PAX7: variants seen among roughly 807,000 people sequenced by gnomAD.
The protein encoded by PAX7 is paired box 7.
Under a neutral mutation model 50.7 loss-of-function variants are expected in PAX7, and 18 were observed. The observed-to-expected ratio is 0.36, with a 90% CI of 0.25 to 0.53. PAX7 has a LOEUF of 0.53. PAX7 is among the 20% of genes least tolerant of loss of function. The probability of loss-of-function intolerance (pLI) is 0.93; values close to 1 mark genes in which losing one functional copy is unlikely to be tolerated. For synonymous variants in PAX7, 310 were observed against 290.4 expected (o/e 1.07, Z -0.69); for missense variants, 644 against 702.9 (o/e 0.92, Z 0.95).
At chr1:18,650,068 C>T (rs1269941534) in intron 4 of PAX7, among the ~76,000 whole-genome samples, 1 of 152,152 alleles carries the variant, frequency 6.6e-6, no homozygotes, top group Non-Finnish European at 1.5e-5. Context: ...ATAGAGGAAA[C>T]TCCGGGGAGG....
At chr1:18,659,176 GCA>G (rs2088565818) in intron 4 of PAX7, among the ~76,000 whole-genome samples, 1 of 152,208 alleles carries the variant, frequency 6.6e-6, no homozygotes, top group Non-Finnish European at 1.5e-5. Flanking sequence ...TTCAGCTCCT[GCA>G]CCAGATTAGG....
At chr1:18,742,083 C>G (rs1439938452) in intron 8 of PAX7, among the ~76,000 whole-genome samples, 3 of 150,656 alleles carry the variant, frequency 2.0e-5, no homozygotes, top group Non-Finnish European at 4.4e-5. Flanking sequence ...TAGGATAGAA[C>G]AAGCTCTCTG....
chr1:18,726,145 AGT>A lies in PAX7; in HGVS notation c.1156-9454_1156-9453del, dbSNP rs35982827. 0.33 allele frequency among the ~76,000 whole-genome samples: 45,818 copies of A among 137,022 alleles called. 7,539 individuals carry two copies. Among genetic ancestry groups the A allele is most frequent in the South Asian group, 0.46 (1,870 of 4,024 alleles). 89.9% of individuals were successfully genotyped at this position (137,022 alleles called of 152,430 possible). A position where few individuals can be genotyped will look rare whatever the true frequency, so the allele number is the denominator to read the frequency against. The stretch of plus-strand genomic sequence containing the variant: ...ATAAAACAGACATTGGAAGAGTGTG[AGT>A]GTGTGTGTGTGTGTGTGTGTGTGTG... On this transcript the variant is annotated intron_variant, in intron 7 of 8. Transcript: ENST00000420770. The surrounding 1 kb of genome is among the most constrained non-coding windows in gnomAD (Gnocchi z 4.8).
chr1:18,718,767 C>T (rs546138045), intron 7 of PAX7, among the ~76,000 whole-genome samples: 11 of 152,112 alleles, frequency 7.2e-5, no homozygotes, highest in Non-Finnish European at 1.0e-4. Flanking sequence ...CTCAGCCTCC[C>T]GAGTAGCTGG....
chr1:18,646,496 G>A (rs991333949), intron 4 of PAX7, among the ~76,000 whole-genome samples: 5 of 152,306 alleles, frequency 3.3e-5, no homozygotes, highest in Admixed American at 3.3e-4. Flanking sequence ...CCAGGCAGCA[G>A]GAAATTAGGG....
At chr1:18,648,442 A>G (rs2088381011) in intron 4 of PAX7, among the ~76,000 whole-genome samples, 1 of 151,180 alleles carries the variant, frequency 6.6e-6, no homozygotes, top group African/African-American at 2.4e-5. Flanking sequence ...CCCAGGCTCA[A>G]GCGATTCTCT....
intron 4 of PAX7, among the ~76,000 whole-genome samples, chr1:18,657,663 T>A (rs919891974): frequency 1.3e-5 from 2 of 152,172 alleles, no homozygotes; most frequent in East Asian, 3.9e-4. Context: ...AGGGGCCCGA[T>A]GAATAGCGGT....
rs534267038 is a variant in PAX7, at chr1:18,662,416, GTTCA to G, written c.586+26070_586+26073del. Among the ~76,000 whole-genome samples, 1,198 of 152,016 alleles carry G rather than the reference GTTCA, an allele frequency of 7.9e-3. 9 individuals are homozygous for G. Among genetic ancestry groups the G allele is most frequent in the Middle Eastern group, 0.034 (10 of 294 alleles). ...GCAGTGCTCCTTTGTTCCTTCTTTA[GTTCA>G]TTCATTCATTCATTCATTCATTCAC... On this transcript the variant is annotated intron_variant, in intron 4 of 8. Transcript: ENST00000420770.
chr1:18,656,477 G>A (rs1369077524), intron 4 of PAX7, among the ~76,000 whole-genome samples: 4 of 151,718 alleles, frequency 2.6e-5, no homozygotes, highest in Non-Finnish European at 5.9e-5. Flanking sequence ...TGCAGCCTGG[G>A]TGACAGAGTG....
chr1:18,691,848 G>A lies in PAX7; in HGVS notation c.681G>A (p.Glu227=). The part of the protein sequence containing the change: ...QRRSRTTFTA[E]QLEELEKAFE... ...GCAGTCGGACCACATTCACGGCCGA[G>A]CAGCTGGAGGAGCTGGAGAAGGCCT... is the stretch of plus-strand genomic sequence containing the variant. The change falls in exon 5 of 9, where the codon GAG becomes GAA. Residue 227 remains glutamate, a synonymous_variant. Coordinates refer to ENST00000420770, the MANE Select transcript of PAX7 (RefSeq NM_001135254.2). The A allele has an allele frequency of 3.7e-6, 6 of 1,613,886 alleles. No homozygotes were observed. The highest frequency in any genetic ancestry group is 5.1e-6 in the Non-Finnish European group (6 of 1,179,942).
chr1:18,737,959 T>G (rs1368258349), intron 8 of PAX7, among the ~76,000 whole-genome samples: 1 of 152,230 alleles, frequency 6.6e-6, no homozygotes, highest in African/African-American at 2.4e-5. Context: ...CATGCACACA[T>G]GCTTGAGTGT....
intron 7 of PAX7, among the ~76,000 whole-genome samples, chr1:18,704,645 GA>G (rs1253919227): frequency 9.2e-5 from 14 of 151,834 alleles, no homozygotes; most frequent in Non-Finnish European, 1.0e-4. Context: ...TAAATAAAAA[GA>G]GAGACCATGT....
In PAX7 at chr1:18,647,492, G is replaced by A. The variant is rs552035752; in HGVS notation, c.586+11121G>A. Among the ~76,000 whole-genome samples, 11 of 151,190 alleles carry A rather than the reference G, an allele frequency of 7.3e-5. No homozygotes were observed. The South Asian group carries it at 1.3e-3, about 17-fold the overall frequency. The stretch of plus-strand genomic sequence containing the variant: ...AGGAGATGCCTGAATTGGGCGGGGT[G>A]GGGGGGGAGAGGAGAAGGAGGCAGG... On this transcript the variant is annotated intron_variant, in intron 4 of 8. Coordinates refer to ENST00000420770, the MANE Select transcript of PAX7 (RefSeq NM_001135254.2).
intron 7 of PAX7, among the ~76,000 whole-genome samples, chr1:18,717,122 C>T (rs1219975381): frequency 6.6e-6 from 1 of 152,174 alleles, no homozygotes; most frequent in Admixed American, 6.5e-5. Flanking sequence ...CAAAACCACT[C>T]AGTCAAAGTG....
In PAX7 at chr1:18,631,595, T is replaced by G. The variant is rs774974785; in HGVS notation, c.-9T>G. ...GCCGACTTTGGATTCGTCCCCGGCG[T>G]GCGCAAGAATGGCGGCCCTTCCCGG... On this transcript the variant is annotated 5_prime_UTR_variant, in exon 1 of 9. Coordinates refer to ENST00000420770, the MANE Select transcript of PAX7 (RefSeq NM_001135254.2). 2.5e-6 allele frequency: 4 copies of G among 1,610,932 alleles called. No individual in the cohort carries two copies. Among genetic ancestry groups the G allele is most frequent in the Non-Finnish European group, 3.4e-6 (4 of 1,178,980 alleles).
intron 4 of PAX7, among the ~76,000 whole-genome samples, chr1:18,665,972 G>C (rs4338328): frequency 6.6e-6 from 1 of 151,804 alleles, no homozygotes; most frequent in Admixed American, 6.6e-5. Context: ...ATGCCCGGCT[G>C]GGGTGGCATT....
At chr1:18,736,948 C>T (rs969680799) in intron 8 of PAX7, among the ~76,000 whole-genome samples, 1 of 152,246 alleles carries the variant, frequency 6.6e-6, no homozygotes, top group African/African-American at 2.4e-5. Flanking sequence ...CCTTCTGCCG[C>T]AGGGCATGGG....
rs1456770976 is a variant in PAX7, at chr1:18,636,835, C to T, written c.586+464C>T. 6.6e-6 allele frequency among the ~76,000 whole-genome samples: 1 copy of T among 152,156 alleles called. No homozygotes were observed. Among genetic ancestry groups the T allele is most frequent in the African/African-American group, 2.4e-5 (1 of 41,430 alleles). Reference sequence around the variant, plus strand: ...TAAATGAATTTGTTAACCAGACCCCCACACGCTCTCTAAACGGTCCCTTGA... The same window carrying T: ...TAAATGAATTTGTTAACCAGACCCCTACACGCTCTCTAAACGGTCCCTTGA... On this transcript the variant is annotated intron_variant, in intron 4 of 8. Coordinates refer to ENST00000420770, the MANE Select transcript of PAX7 (RefSeq NM_001135254.2). The surrounding 1 kb of genome is among the most constrained non-coding windows in gnomAD (Gnocchi z 5.1).
intron 1 of PAX7, 114 bp downstream of exon 1, chr1:18,631,802 C>G (rs2088053619): frequency 1.2e-6 from 1 of 853,170 alleles, no homozygotes; most frequent in Non-Finnish European, 1.9e-6. Flanking sequence ...AGAGGGATCC[C>G]GTTCTCTTCT....
Sources: allele counts gnomAD v4.1 joint callset (sites outside exome capture counted in the v4.1 genomes callset), GRCh38; gene constraint gnomAD v4.1.1; non-coding constraint Gnocchi (gnomAD v3.1); transcripts MANE v1.5; gene names NCBI Gene and HGNC (gene_info 2026-07-23, HGNC 2026-07-21).